The following CDK6 variants were observed in gnomAD, a reference collection of about 807,000 sequenced individuals.
The protein encoded by CDK6 is cyclin dependent kinase 6.
Under a neutral mutation model 37.1 loss-of-function variants are expected in CDK6, and 6 were observed. That is an observed-to-expected ratio of 0.16 (90% CI 0.09 to 0.32). The LOEUF (loss-of-function observed/expected upper bound fraction) is 0.32. Ranked by LOEUF, CDK6 falls within the 10% of genes least tolerant of loss-of-function variation. CDK6 has a pLI of 1.00. For missense variants in CDK6, 224 were observed against 418.9 expected, an observed-to-expected ratio of 0.53 and a Z score of 4.06; for synonymous variants, 160 against 161.3, an observed-to-expected ratio of 0.99 and a Z score of 0.06.
chr7:92,650,058 A>C (rs1159168204), intron 5 of CDK6, among the ~76,000 whole-genome samples: 1 of 152,236 alleles, frequency 6.6e-6, no homozygotes, highest in Non-Finnish European at 1.5e-5. Context: ...TTTTCTTCTC[A>C]CCAATTTGTT....
chr7:92,645,582 C>T (rs145258399), intron 5 of CDK6, among the ~76,000 whole-genome samples: 2 of 152,324 alleles, frequency 1.3e-5, no homozygotes, highest in African/African-American at 4.8e-5. Flanking sequence ...GTGAAGCCAC[C>T]GTCACAAACA....
chr7:92,627,726 C>T (rs1484467134), intron 5 of CDK6, among the ~76,000 whole-genome samples: 2 of 151,802 alleles, frequency 1.3e-5, no homozygotes, highest in African/African-American at 4.8e-5. Flanking sequence ...AGTGGTACAA[C>T]TCTGTGAATA....
intron 3 of CDK6, among the ~76,000 whole-genome samples, chr7:92,771,668 A>G (rs1168428075): frequency 6.6e-6 from 1 of 152,176 alleles, no homozygotes; most frequent in African/African-American, 2.4e-5. Context: ...GCCTAATTCA[A>G]TTTTGTGTCC....
chr7:92,739,907 A>G lies in CDK6; in HGVS notation c.370-14114T>C, dbSNP rs1484843008. Among the ~76,000 whole-genome samples the G allele has an allele frequency of 3.9e-5, 6 of 152,124 alleles. No homozygotes were observed. The East Asian group carries it at 1.2e-3, about 29-fold the overall frequency. On this transcript the variant is annotated intron_variant, in intron 3 of 7. Transcript: ENST00000424848. Reference sequence around the variant, plus strand: ...GTAGCTGGGACTATAGGCACATGCCACTATGCTCAGCTAATGTTTTATTTT... The same window carrying G: ...GTAGCTGGGACTATAGGCACATGCCGCTATGCTCAGCTAATGTTTTATTTT...
chr7:92,753,900 T>G (rs1335088109), intron 3 of CDK6, among the ~76,000 whole-genome samples: 1 of 152,234 alleles, frequency 6.6e-6, no homozygotes, highest in Non-Finnish European at 1.5e-5. Flanking sequence ...ACAGTTCACC[T>G]GGGAATGGAA....
At chr7:92,776,766 T>C (rs1459546639) in intron 2 of CDK6, among the ~76,000 whole-genome samples, 1 of 152,230 alleles carries the variant, frequency 6.6e-6, no homozygotes, top group Admixed American at 6.5e-5. Context: ...GTTGTTTTTT[T>C]CTTGTAAATT....
chr7:92,738,512 G>A (rs1798841090), intron 3 of CDK6, among the ~76,000 whole-genome samples: 1 of 151,954 alleles, frequency 6.6e-6, no homozygotes, highest in South Asian at 2.1e-4. Flanking sequence ...GGTGGTGCAT[G>A]CCTGTAATCC....
At position 92,770,142 on chromosome 7, in the gene CDK6, A is replaced by G. The variant is rs551877819; in HGVS notation, c.369+4554T>C. Among the ~76,000 whole-genome samples, 13 of 152,262 alleles carry G rather than the reference A, an allele frequency of 8.5e-5. No homozygotes were observed. The South Asian group carries it at 2.7e-3, about 32-fold the overall frequency. On this transcript the variant is annotated intron_variant, in intron 3 of 7. Coordinates refer to ENST00000424848, the MANE Select transcript of CDK6 (RefSeq NM_001145306.2). The stretch of plus-strand genomic sequence containing the variant: ...GAGGAAAGCCAGATATGTCAACAAT[A>G]AGTCTATGAGGGAAAATTAGAATAT...
At chr7:92,639,427 A>G (rs1472552989) in intron 5 of CDK6, among the ~76,000 whole-genome samples, 1 of 152,212 alleles carries the variant, frequency 6.6e-6, no homozygotes, top group Non-Finnish European at 1.5e-5. Context: ...AATAGTCTCA[A>G]TTAAACGCTA....
At chr7:92,777,781 A>G (rs977546349) in intron 2 of CDK6, among the ~76,000 whole-genome samples, 3 of 152,226 alleles carry the variant, frequency 2.0e-5, no homozygotes, top group African/African-American at 7.2e-5. Flanking sequence ...AGTCAATGGT[A>G]GCTGGATGGG....
intron 7 of CDK6, among the ~76,000 whole-genome samples, chr7:92,617,618 A>C (rs942253185): frequency 4.6e-5 from 7 of 152,218 alleles, no homozygotes; most frequent in African/African-American, 1.7e-4. Context: ...ATACTTATTA[A>C]ATAAATCAGC....
intron 4 of CDK6, among the ~76,000 whole-genome samples, chr7:92,717,487 AAAAG>A (rs1245914802): frequency 6.6e-6 from 1 of 151,710 alleles, no homozygotes; most frequent in Non-Finnish European, 1.5e-5. Flanking sequence ...AGAAAGAAAG[AAAAG>A]AAAGAAAAGA....
At chr7:92,805,106 G>A (rs534361691) in intron 2 of CDK6, among the ~76,000 whole-genome samples, 6 of 152,224 alleles carry the variant, frequency 3.9e-5, no homozygotes, top group African/African-American at 1.2e-4. Flanking sequence ...TTGAAATCTC[G>A]ATGAAGGAAA....
At chr7:92,688,867 A>G (rs1797532025) in intron 4 of CDK6, among the ~76,000 whole-genome samples, 1 of 152,178 alleles carries the variant, frequency 6.6e-6, no homozygotes, top group African/African-American at 2.4e-5. Flanking sequence ...TAAAGAGGTC[A>G]CGCAGTCACA....
At chr7:92,785,656 G>A (rs1800112026) in intron 2 of CDK6, among the ~76,000 whole-genome samples, 1 of 152,144 alleles carries the variant, frequency 6.6e-6, no homozygotes, top group South Asian at 2.1e-4. Flanking sequence ...TTTGAAATCA[G>A]ACTGTCTGGC....
intron 2 of CDK6, among the ~76,000 whole-genome samples, chr7:92,810,362 T>A (rs1800843957): frequency 6.6e-6 from 1 of 152,188 alleles, no homozygotes; most frequent in Admixed American, 6.5e-5. Flanking sequence ...AACTATATAA[T>A]AGGGGAAATA....
intron 4 of CDK6, among the ~76,000 whole-genome samples, chr7:92,686,388 G>C (rs1025620289): frequency 6.6e-6 from 1 of 152,030 alleles, no homozygotes; most frequent in Non-Finnish European, 1.5e-5. Context: ...TAACGTTCCT[G>C]AGTTACTTCA....
intron 2 of CDK6, among the ~76,000 whole-genome samples, chr7:92,778,988 G>A (rs1026604768): frequency 3.5e-5 from 5 of 143,238 alleles, no homozygotes; most frequent in Admixed American, 6.9e-5. Flanking sequence ...AATTCTGACG[G>A]GGGCATAACT....
At chr7:92,806,721 T>C (rs1042404566) in intron 2 of CDK6, among the ~76,000 whole-genome samples, 2 of 152,202 alleles carry the variant, frequency 1.3e-5, no homozygotes, top group African/African-American at 4.8e-5. Flanking sequence ...ACAGACCGAC[T>C]TCTCTTGTTA....
Sources: allele counts gnomAD v4.1 joint callset (sites outside exome capture counted in the v4.1 genomes callset), GRCh38; gene constraint gnomAD v4.1.1; transcripts MANE v1.5; gene names NCBI Gene and HGNC (gene_info 2026-07-23, HGNC 2026-07-21).